Variants in NRG3 observed in about 807,000 individuals in gnomAD.
The protein encoded by NRG3 is pro-neuregulin-3, membrane-bound isoform.
Under a neutral mutation model 66.9 loss-of-function variants are expected in NRG3, and 31 were observed. The ratio of observed to expected loss-of-function variants is 0.46; its 90% CI spans 0.35 to 0.63. The LOEUF is 0.63. Ranked by LOEUF, NRG3 falls within the 20% of genes least tolerant of loss-of-function variation. The pLI is 0.00. For synonymous variants in NRG3, 393 were observed against 359.4 expected (o/e 1.09, Z -1.06); for missense variants, 910 against 878.9 (o/e 1.04, Z -0.45).
At chr10:82,743,814 A>G (rs968601010) in intron 3 of NRG3, among the ~76,000 whole-genome samples, 5 of 152,170 alleles carry the variant, frequency 3.3e-5, no homozygotes, top group African/African-American at 1.2e-4. Flanking sequence ...GAAGATTATT[A>G]ACAGAAAGTT....
chr10:82,530,782 C>T (rs1185479465), intron 2 of NRG3, among the ~76,000 whole-genome samples: 1 of 151,746 alleles, frequency 6.6e-6, no homozygotes, highest in Non-Finnish European at 1.5e-5. Context: ...TATCTTGACT[C>T]ACTGAAAAAT....
intron 1 of NRG3, among the ~76,000 whole-genome samples, chr10:81,901,495 C>T (rs910602995): frequency 6.6e-6 from 1 of 151,992 alleles, no homozygotes; most frequent in Non-Finnish European, 1.5e-5. Context: ...TAGCGAGATG[C>T]CGTCTCTACA....
chr10:82,120,385 A>G (rs759752938), intron 1 of NRG3, among the ~76,000 whole-genome samples: 2 of 152,120 alleles, frequency 1.3e-5, no homozygotes, highest in Non-Finnish European at 2.9e-5. Context: ...ATCAATAGTA[A>G]TATTTAACCT....
chr10:82,692,901 C>A (rs1451338167), intron 2 of NRG3, among the ~76,000 whole-genome samples: 1 of 152,120 alleles, frequency 6.6e-6, no homozygotes, highest in East Asian at 1.9e-4. Context: ...GGCAGAGCTA[C>A]TTCCTTCACT....
intron 2 of NRG3, among the ~76,000 whole-genome samples, chr10:82,680,731 T>A (rs560968778): frequency 6.6e-6 from 1 of 152,330 alleles, no homozygotes; most frequent in East Asian, 1.9e-4. Flanking sequence ...GGTGAAGCTT[T>A]CTTCAGAGCC....
At chr10:81,968,835 C>T (rs922062696) in intron 1 of NRG3, among the ~76,000 whole-genome samples, 3 of 152,200 alleles carry the variant, frequency 2.0e-5, no homozygotes, top group African/African-American at 7.2e-5. Flanking sequence ...CCTGCACCTT[C>T]TCTTCTGGTT....
At chr10:82,647,959 G>C (rs1304892345) in intron 2 of NRG3, among the ~76,000 whole-genome samples, 1 of 147,266 alleles carries the variant, frequency 6.8e-6, no homozygotes, top group Non-Finnish European at 1.5e-5. Flanking sequence ...TAGGTTGCCT[G>C]TTCACTCTGA....
At chr10:82,357,937 G>A (rs1211785450) in intron 1 of NRG3, among the ~76,000 whole-genome samples, 2 of 152,090 alleles carry the variant, frequency 1.3e-5, no homozygotes, top group Non-Finnish European at 2.9e-5. Context: ...ATGTTGTGGT[G>A]GAATTGGAGC....
At chr10:82,044,724 T>C (rs7073085) in intron 1 of NRG3, among the ~76,000 whole-genome samples, 133,992 of 151,848 alleles carry the variant, frequency 0.88, 60,406 homozygotes, top group South Asian at 0.99. Flanking sequence ...TATCCCTCCC[T>C]GCTCTCCCCA....
chr10:82,298,831 C>T (rs1296694229), intron 1 of NRG3, among the ~76,000 whole-genome samples: 2 of 152,074 alleles, frequency 1.3e-5, no homozygotes, highest in South Asian at 2.1e-4. Flanking sequence ...GCCTTTACTC[C>T]AGTTTTAGGA....
At chr10:82,949,392 A>G (rs1849309791) in intron 4 of NRG3, among the ~76,000 whole-genome samples, 1 of 151,860 alleles carries the variant, frequency 6.6e-6, no homozygotes, top group African/African-American at 2.4e-5. Flanking sequence ...TCATAAAATG[A>G]ATTTGAATCG....
At chr10:82,320,910 C>T (rs1020455421) in intron 1 of NRG3, among the ~76,000 whole-genome samples, 3 of 152,164 alleles carry the variant, frequency 2.0e-5, no homozygotes, top group Non-Finnish European at 2.9e-5. Flanking sequence ...CAGAAGAGCA[C>T]GAGAGCTCCA....
intron 1 of NRG3, among the ~76,000 whole-genome samples, chr10:82,270,415 T>C (rs1407976033): frequency 1.3e-5 from 2 of 152,124 alleles, no homozygotes; most frequent in African/African-American, 4.8e-5. Flanking sequence ...ATTAATAGGG[T>C]ATTTGGGACT....
rs1841523652 is a variant in NRG3, at chr10:81,875,358, C to T, written c.18C>T (p.Ala6=). The change falls in exon 1 of 9, where the codon GCC becomes GCT. Residue 6 remains alanine (A), a synonymous_variant. Transcript: ENST00000372141. The surrounding 1 kb of genome is among the most constrained non-coding windows in gnomAD (Gnocchi z 5.3). ...CTCCTAGGATGAGTGAAGGGGCGGC[C>T]GCTGCCTCGCCACCTGGTGCCGCTT... MSEGA[A]AASPPGAASA... 4.0e-6 allele frequency: 4 copies of T among 990,386 alleles called. No homozygotes were observed. The South Asian group carries it at 1.4e-4, about 34-fold the overall frequency. 61.3% of individuals were successfully genotyped at this position (990,386 alleles called of 1,614,324 possible).
At chr10:82,450,025 G>T (rs995928326) in intron 2 of NRG3, among the ~76,000 whole-genome samples, 9 of 152,176 alleles carry the variant, frequency 5.9e-5, no homozygotes. Context: ...CAGTATTTCT[G>T]CAAGAGGATG....
intron 1 of NRG3, among the ~76,000 whole-genome samples, chr10:82,193,059 T>A (rs550764777): frequency 4.6e-4 from 70 of 152,200 alleles, no homozygotes; most frequent in African/African-American, 1.5e-3. Context: ...GTTTCCACAT[T>A]ATAATAAAGA....
At chr10:82,156,083 A>C (rs553083259) in intron 1 of NRG3, among the ~76,000 whole-genome samples, 1 of 151,782 alleles carries the variant, frequency 6.6e-6, no homozygotes, top group African/African-American at 2.4e-5. Flanking sequence ...TTTTATGTGA[A>C]GCTGTAGAGA....
chr10:82,333,689 G>A (rs936234224), intron 1 of NRG3, among the ~76,000 whole-genome samples: 1 of 152,164 alleles, frequency 6.6e-6, no homozygotes, highest in Non-Finnish European at 1.5e-5. Context: ...CACTTACTGA[G>A]AAATCTACAA....
At chr10:82,744,085 C>A (rs1236338880) in intron 3 of NRG3, among the ~76,000 whole-genome samples, 1 of 152,106 alleles carries the variant, frequency 6.6e-6, no homozygotes, top group Non-Finnish European at 1.5e-5. Flanking sequence ...AAAGTGATGG[C>A]CCTCAGCAGA....
Sources: gnomAD v4.1 joint callset for allele counts (sites outside exome capture counted in the v4.1 genomes callset) on GRCh38, gnomAD v4.1.1 for gene constraint, Gnocchi (gnomAD v3.1) non-coding constraint, MANE v1.5 for transcripts, NCBI Gene and HGNC (gene_info 2026-07-23, HGNC 2026-07-21) for gene names.